The following CLBA1 variants were observed in gnomAD, a reference collection of about 807,000 sequenced individuals.
The protein encoded by CLBA1 is clathrin binding box of aftiphilin containing 1.
A neutral mutation model predicts 28.8 loss-of-function variants in CLBA1; 30 were observed. That is an observed-to-expected ratio of 1.04 (90% CI 0.78 to 1.41). The LOEUF (loss-of-function observed/expected upper bound fraction) is 1.41. CLBA1 is among the 40% of genes most tolerant of loss of function. The pLI is 0.00. For missense variants in CLBA1, 451 were observed against 412.3 expected, an observed-to-expected ratio of 1.09 and a Z score of -0.81; for synonymous variants, 160 against 152.8, an observed-to-expected ratio of 1.05 and a Z score of -0.35.
intron 3 of CLBA1, 128 bp downstream of exon 3, chr14:104,991,748 A>G: frequency 8.6e-7 from 1 of 1,156,616 alleles, no homozygotes; most frequent in Non-Finnish European, 1.2e-6. Context: ...TAAAGCCACT[A>G]GGTGGCCCCA....
intron 2 of CLBA1, 85 bp from the exon 3 acceptor site, chr14:104,991,406 C>T (rs1205089738): frequency 6.4e-7 from 1 of 1,554,148 alleles, no homozygotes; most frequent in Non-Finnish European, 8.8e-7. Flanking sequence ...AGGCCAGGCG[C>T]CCCGCTGCGT....
chr14:104,995,827 T>C (rs1351186929), downstream of CLBA1, among the ~76,000 whole-genome samples: 1 of 152,224 alleles, frequency 6.6e-6, no homozygotes, highest in Non-Finnish European at 1.5e-5. Flanking sequence ...TTTTTGTTTG[T>C]TTGTTTCTGG....
chr14:104,985,868 C>A lies in CLBA1; in HGVS notation c.-564C>A. ...CTGGTCCCGCGCGGCCCCGCCGAGG[C>A]GGCGACCAAGGTGGGTGCGGGGACT... On this transcript the variant is annotated 5_prime_UTR_variant, in exon 1 of 5. Transcript: ENST00000547315. 3 of 182,486 alleles carry A rather than the reference C, an allele frequency of 1.6e-5. No homozygotes were observed. The highest frequency in any genetic ancestry group is 3.1e-5 in the Non-Finnish European group (3 of 97,794). The allele number at this position is 182,486 out of a possible 1,614,324, so 11.3% of individuals were successfully genotyped here.
Position 104,989,037 on chromosome 14 carries a change from T to C in CLBA1, c.518T>C (p.Leu173Pro), listed in dbSNP as rs757425689. The C allele has an allele frequency of 3.1e-6, 5 of 1,613,536 alleles. No individual in the cohort carries two copies. In the African/African-American group the frequency reaches 6.7e-5, roughly 22 times the overall value. ...GACGTTTCCACCATAGACCATTTCC[T>C]AGAAATAAGCAGTGAAGAAAAACCT... ...AEDVSTIDHF[L>P]EISSEEKPGV... Residue 173 changes from leucine to proline, a missense_variant, in exon 2 of 5, where the codon CTA becomes CCA. Leu to Pro is a moderately conservative substitution (Grantham distance 98). Coordinates refer to ENST00000547315, the MANE Select transcript of CLBA1 (RefSeq NM_174891.4).
chr14:104,992,697 T>C (rs1566933591), intron 3 of CLBA1, among the ~76,000 whole-genome samples: 3 of 152,142 alleles, frequency 2.0e-5, no homozygotes, highest in Non-Finnish European at 4.4e-5. Flanking sequence ...TGTCTGAAAG[T>C]GGCCGTGAAG....
rs774518079 is a variant in CLBA1, at chr14:104,986,726, G to T, written c.295G>T (p.Glu99Ter). The T allele has an allele frequency of 6.2e-7, 1 of 1,613,912 alleles. No individual in the cohort carries two copies. The highest frequency in any genetic ancestry group is 1.3e-5 in the African/African-American group (1 of 74,904). The change falls in exon 1 of 5, where the codon GAA becomes TAA. Residue 99 changes from glutamate to a stop codon, truncating the protein, a stop_gained. Coordinates refer to ENST00000547315, the MANE Select transcript of CLBA1 (RefSeq NM_174891.4). LOFTEE classifies it high-confidence loss of function. ...AKSGQFSQSL[E>*]LLEGPTEPQP... The stretch of plus-strand genomic sequence containing the variant: ...GTCTGGACAATTCTCACAGTCCCTT[G>T]AACTCCTCGAGGGACCCACAGAACC...
chr14:104,998,153 T>A (rs1566935064), downstream of CLBA1, among the ~76,000 whole-genome samples: 1 of 152,022 alleles, frequency 6.6e-6, no homozygotes, highest in Non-Finnish European at 1.5e-5. Context: ...ATACCTGTAA[T>A]CCCAGCACTT....
intron 4 of CLBA1, chr14:104,993,424 G>C: frequency 2.0e-6 from 2 of 985,450 alleles, no homozygotes; most frequent in Non-Finnish European, 2.4e-6. Flanking sequence ...GTTGGGCCAG[G>C]GGATGTTGAC....
At chr14:105,000,842 G>A (rs982089080) in intron 2 of CLBA1, among the ~76,000 whole-genome samples, 1 of 151,974 alleles carries the variant, frequency 6.6e-6, no homozygotes, top group African/African-American at 2.4e-5. Flanking sequence ...GTATGGAGGT[G>A]TCTGAAAAAG....
chr14:104,988,696 CT>C (rs1266543000), intron 1 of CLBA1, among the ~76,000 whole-genome samples: 1 of 152,162 alleles, frequency 6.6e-6, no homozygotes, highest in East Asian at 1.9e-4. Context: ...GGGTGGTCAT[CT>C]TTTTTCATGT....
At chr14:104,992,794 G>A (rs1211670535) in intron 3 of CLBA1, among the ~76,000 whole-genome samples, 154 bp from the exon 4 acceptor site, 1 of 152,212 alleles carries the variant, frequency 6.6e-6, no homozygotes, top group Non-Finnish European at 1.5e-5. Flanking sequence ...GCGAGTGGCA[G>A]GGCGACACAG....
At chr14:104,998,924 C>A (rs1900213789), downstream of CLBA1, among the ~76,000 whole-genome samples, 1 of 152,262 alleles carries the variant, frequency 6.6e-6, no homozygotes, top group Non-Finnish European at 1.5e-5. Flanking sequence ...GAGGACCAGA[C>A]CCAAGAGGGA....
rs765662437 is a variant in CLBA1 at position 104,991,539 on chromosome 14, G to A, written c.618G>A (p.Thr206=). 4.6e-5 allele frequency: 75 copies of A among 1,613,896 alleles called. No individual in the cohort carries two copies. The highest frequency in any genetic ancestry group is 6.7e-5 in the African/African-American group (5 of 74,918). Reference sequence around the variant, plus strand: ...GAGCCCTTCAGAGCATACACACCACGTCTACTTCTCAGCGCCTCTGGAGCG... The same window carrying A: ...GAGCCCTTCAGAGCATACACACCACATCTACTTCTCAGCGCCTCTGGAGCG... ...LWRALQSIHT[T]STSQRLWSES... The change falls in exon 3 of 5, where the codon ACG becomes ACA. Residue 206 remains threonine, a synonymous_variant. Transcript: ENST00000547315.
rs777520419 is a variant in CLBA1 at position 104,985,893 on chromosome 14, T to C, written c.-539T>C. ...CGGCGACCAAGGTGGGTGCGGGGAC[T>C]CTCGGGAGCCGTGGGCCAGGCGCTT... is the stretch of plus-strand genomic sequence containing the variant. On this transcript the variant is annotated 5_prime_UTR_variant, in exon 1 of 5. Coordinates refer to ENST00000547315, the MANE Select transcript of CLBA1 (RefSeq NM_174891.4). 2 of 124,008 alleles carry C rather than the reference T, an allele frequency of 1.6e-5. No individual in the cohort carries two copies. Among genetic ancestry groups the C allele is most frequent in the Non-Finnish European group, 2.9e-5 (2 of 69,100 alleles). 7.7% of individuals were successfully genotyped at this position (124,008 alleles called of 1,614,324 possible).
chr14:104,992,459 G>A (rs1410037714), intron 3 of CLBA1, among the ~76,000 whole-genome samples: 1 of 152,270 alleles, frequency 6.6e-6, no homozygotes, highest in East Asian at 1.9e-4. Context: ...GATTGGCCCT[G>A]GTGAAGACAG....
downstream of CLBA1, among the ~76,000 whole-genome samples, chr14:104,996,157 C>T (rs1397427955): frequency 6.6e-6 from 1 of 152,072 alleles, no homozygotes; most frequent in Non-Finnish European, 1.5e-5. Flanking sequence ...AAGGCCAAGC[C>T]TTTCTTCTGA....
chr14:104,993,832 C>T (rs1224933540), intron 4 of CLBA1: 12 of 985,318 alleles, frequency 1.2e-5, no homozygotes, highest in Non-Finnish European at 1.3e-5. Flanking sequence ...CGGCTGTGAG[C>T]ATGAAGAGTG....
intron 1 of CLBA1, among the ~76,000 whole-genome samples, chr14:104,987,606 CTTTTTTTTTTTTTTTTTTTTT>C (rs869117577): frequency 4.2e-4 from 25 of 59,986 alleles, no homozygotes; most frequent in African/African-American, 1.6e-3. Context: ...TCTTCCTTTT[CTTTTTTTTTTTTTTTTTTTTT>C]TTTTTTTTTT....
downstream of CLBA1, chr14:104,995,583 G>A (rs1045137859): frequency 3.4e-6 from 3 of 884,250 alleles, no homozygotes; most frequent in African/African-American, 1.8e-5. Flanking sequence ...GGGGAGGCCT[G>A]AAGTCTTAAG....
Sources: allele counts gnomAD v4.1 joint callset (sites outside exome capture counted in the v4.1 genomes callset), GRCh38; gene constraint gnomAD v4.1.1; transcripts MANE v1.5; gene names NCBI Gene and HGNC (gene_info 2026-07-23, HGNC 2026-07-21).